PTPRD: variants seen among roughly 807,000 people sequenced by gnomAD.
PTPRD encodes the protein receptor-type tyrosine-protein phosphatase delta.
PTPRD carries 34 observed loss-of-function variants against 214.5 expected under a neutral mutation model. The observed-to-expected ratio is 0.16, with a 90% CI of 0.12 to 0.21. The LOEUF is 0.21. Ranked by LOEUF, PTPRD falls within the 10% of genes least tolerant of loss-of-function variation. The probability of loss-of-function intolerance (pLI) is 1.00; values close to 1 mark genes in which losing one functional copy is unlikely to be tolerated. For synonymous variants in PTPRD, 1,128 were observed against 845.7 expected, an observed-to-expected ratio of 1.33 and a Z score of -5.79; for missense variants, 2,545 against 2,398.7, an observed-to-expected ratio of 1.06 and a Z score of -1.27.
chr9:9,384,051 C>A (rs2063108158), intron 9 of PTPRD, among the ~76,000 whole-genome samples: 1 of 151,556 alleles, frequency 6.6e-6, no homozygotes, highest in African/African-American at 2.4e-5. Context: ...TTGCCAACAA[C>A]CACATTCTAT....
rs181543043 is a variant in PTPRD, at chr9:9,888,893, G to T, written c.-368+49614C>A. 5.4e-4 allele frequency among the ~76,000 whole-genome samples: 82 copies of T among 152,192 alleles called. 1 individual carries two copies. The highest frequency in any genetic ancestry group is 4.8e-3 in the Admixed American group (73 of 15,258). ...ACCAAATGTTAGATCACCTATTGCA[G>T]TACCTCTTTTTATGAGAAAGGCAAA... On this transcript the variant is annotated intron_variant, in intron 5 of 45. Transcript: ENST00000381196.
chr9:8,574,337 A>T (rs1047242626), intron 14 of PTPRD, among the ~76,000 whole-genome samples: 2 of 152,012 alleles, frequency 1.3e-5, no homozygotes, highest in Admixed American at 1.3e-4. Context: ...TTTGGACATC[A>T]TCTACTATTG....
At chr9:9,343,497 T>C (rs1289870120) in intron 9 of PTPRD, among the ~76,000 whole-genome samples, 1 of 152,200 alleles carries the variant, frequency 6.6e-6, no homozygotes, top group African/African-American at 2.4e-5. Flanking sequence ...TTTTTTCATA[T>C]GTTTGTTGGC....
chr9:9,834,378 T>C (rs868705238), intron 5 of PTPRD, among the ~76,000 whole-genome samples: 25 of 152,168 alleles, frequency 1.6e-4, no homozygotes, highest in African/African-American at 5.8e-4. Flanking sequence ...GTGGCTCTGA[T>C]TGACATTAGC....
intron 9 of PTPRD, among the ~76,000 whole-genome samples, chr9:9,319,139 C>T (rs2135902443): frequency 6.6e-6 from 1 of 152,284 alleles, no homozygotes; most frequent in East Asian, 1.9e-4. Context: ...AAAAATGTTT[C>T]ACTTCAGCAG....
At chr9:8,556,841 G>A (rs559788969) in intron 14 of PTPRD, among the ~76,000 whole-genome samples, 53 of 152,172 alleles carry the variant, frequency 3.5e-4, no homozygotes, top group African/African-American at 1.1e-3. Context: ...TGACAGAATC[G>A]AACCCATGTC....
chr9:9,307,220 G>T (rs1210622126), intron 9 of PTPRD, among the ~76,000 whole-genome samples: 1 of 152,114 alleles, frequency 6.6e-6, no homozygotes, highest in Non-Finnish European at 1.5e-5. Flanking sequence ...GAGAAAAACG[G>T]CTTCATTTAT....
chr9:8,934,434 T>TAA (rs1265403295), intron 11 of PTPRD, among the ~76,000 whole-genome samples: 2 of 53,978 alleles, frequency 3.7e-5, no homozygotes, highest in African/African-American at 9.4e-5. Flanking sequence ...TATATATATA[T>TAA]AAATATATAT....
chr9:10,062,409 C>T (rs987486371), intron 3 of PTPRD, among the ~76,000 whole-genome samples: 4 of 151,936 alleles, frequency 2.6e-5, no homozygotes, highest in African/African-American at 4.8e-5. Context: ...AGTTCAAAAC[C>T]AGCCTGGCCA....
chr9:9,587,519 C>A (rs1341049447), intron 7 of PTPRD, among the ~76,000 whole-genome samples: 1 of 151,604 alleles, frequency 6.6e-6, no homozygotes, highest in African/African-American at 2.4e-5. Flanking sequence ...ACTATGGTAA[C>A]TGATTCCCAA....
intron 14 of PTPRD, among the ~76,000 whole-genome samples, chr9:8,629,072 T>A (rs138600037): frequency 1.3e-5 from 2 of 151,778 alleles, no homozygotes; most frequent in Non-Finnish European, 2.9e-5. Context: ...CATTACATGC[T>A]GTTTGAGATA....
intron 2 of PTPRD, among the ~76,000 whole-genome samples, chr9:10,379,132 T>A (rs950090811): frequency 6.6e-6 from 1 of 151,798 alleles, no homozygotes; most frequent in Non-Finnish European, 1.5e-5. Flanking sequence ...ACTGTTGGCA[T>A]AGAGAAATGC....
chr9:9,778,490 C>T (rs74913586), intron 5 of PTPRD, among the ~76,000 whole-genome samples: 2,032 of 152,288 alleles, frequency 0.013, 59 homozygotes, highest in African/African-American at 0.045. Flanking sequence ...CCCCGATTCC[C>T]GGAGGCATTG....
chr9:10,376,159 A>C (rs181478201), intron 2 of PTPRD, among the ~76,000 whole-genome samples: 220 of 152,078 alleles, frequency 1.4e-3, no homozygotes, highest in South Asian at 2.5e-3. Context: ...AAAGGTTATA[A>C]GACTAGTTAC....
At chr9:10,284,053 C>T (rs971856152) in intron 3 of PTPRD, among the ~76,000 whole-genome samples, 3 of 152,122 alleles carry the variant, frequency 2.0e-5, no homozygotes, top group African/African-American at 7.2e-5. Flanking sequence ...ACTAGATGCA[C>T]TCTCTGCTCG....
chr9:10,573,241 GTTT>G (rs1042765039), intron 2 of PTPRD, among the ~76,000 whole-genome samples: 2 of 152,032 alleles, frequency 1.3e-5, no homozygotes, highest in South Asian at 4.1e-4. Flanking sequence ...ACATTTTGAT[GTTT>G]TTTTACTTTA....
intron 24 of PTPRD, among the ~76,000 whole-genome samples, chr9:8,500,222 A>T (rs1432918499): frequency 6.6e-6 from 1 of 152,072 alleles, no homozygotes; most frequent in Non-Finnish European, 1.5e-5. Flanking sequence ...TGTGTTTTTT[A>T]AAGGTTTCTT....
intron 3 of PTPRD, among the ~76,000 whole-genome samples, chr9:10,335,365 G>T (rs752145300): frequency 3.3e-5 from 5 of 151,618 alleles, no homozygotes; most frequent in African/African-American, 9.7e-5. Flanking sequence ...AATGGTGCCT[G>T]GTACAAATAG....
intron 3 of PTPRD, among the ~76,000 whole-genome samples, chr9:10,095,255 T>A (rs1046269647): frequency 2.6e-5 from 4 of 151,390 alleles, no homozygotes; most frequent in Non-Finnish European, 4.4e-5. Flanking sequence ...AAAAACACAG[T>A]TAAATATAAA....
Sources: allele counts gnomAD v4.1 joint callset (sites outside exome capture counted in the v4.1 genomes callset), GRCh38; gene constraint gnomAD v4.1.1; transcripts MANE v1.5; gene names NCBI Gene and HGNC (gene_info 2026-07-23, HGNC 2026-07-21).